The following ANKAR variants were observed in gnomAD, a reference collection of about 807,000 sequenced individuals.
ANKAR encodes the protein ankyrin and armadillo repeat containing.
In ANKAR, 136 loss-of-function variants were observed where a neutral mutation model predicts 146.2. That is an observed-to-expected ratio of 0.93 (90% confidence interval 0.81 to 1.07). ANKAR has a LOEUF of 1.07. Among genes scored for constraint, ANKAR ranks in the 50% least tolerant of loss-of-function variants. The pLI is 0.00. For synonymous variants in ANKAR, 500 were observed against 575.8 expected (o/e 0.87, Z 1.88); for missense variants, 1,567 against 1,679.9 (o/e 0.93, Z 1.18).
At chr2:189,745,024 C>CTAATAATAATAATAA (rs777180514) in intron 22 of ANKAR, among the ~76,000 whole-genome samples, 1 of 33,774 alleles carries the variant, frequency 3.0e-5, no homozygotes, top group African/African-American at 5.4e-5. Context: ...ACTACTACTA[C>CTAATAATAATAATAA]TACTAATAAT....
chr2:189,695,451 C>T (rs1026664738), intron 6 of ANKAR, among the ~76,000 whole-genome samples: 3 of 152,128 alleles, frequency 2.0e-5, no homozygotes, highest in South Asian at 2.1e-4. Context: ...TTTTAAGGTA[C>T]GACTAGTTCT....
chr2:189,756,092 G>A (rs973543814), intron 18 of ANKAR, among the ~76,000 whole-genome samples: 10 of 152,248 alleles, frequency 6.6e-5, no homozygotes, highest in South Asian at 2.1e-4. Flanking sequence ...TGGAATGACC[G>A]GGAGAAAAGA....
chr2:189,737,075 A>G (rs953490192), intron 17 of ANKAR, among the ~76,000 whole-genome samples: 3 of 137,668 alleles, frequency 2.2e-5, no homozygotes, highest in African/African-American at 8.5e-5. Flanking sequence ...CTTTGTCTCA[A>G]AAAAAAAAAG....
At chr2:189,754,470 C>T (rs2045765572) in intron 18 of ANKAR, 1 of 905,728 alleles carries the variant, frequency 1.1e-6, no homozygotes, top group African/African-American at 1.7e-5. Flanking sequence ...ACATGCTATA[C>T]TTTGGCAAAT....
chr2:189,755,528 T>C (rs776381876), intron 18 of ANKAR: 5 of 1,601,892 alleles, frequency 3.1e-6, no homozygotes, highest in Middle Eastern at 1.7e-4. Context: ...TCTGTGAAGC[T>C]GTTGAGCTGC....
intron 18 of ANKAR, among the ~76,000 whole-genome samples, chr2:189,759,976 C>A (rs1198638458): frequency 6.6e-6 from 1 of 152,090 alleles, no homozygotes; most frequent in Non-Finnish European, 1.5e-5. Context: ...GAGTATGCTG[C>A]CTTCAAGCAT....
chr2:189,718,690 C>T (rs1030153359), intron 10 of ANKAR, among the ~76,000 whole-genome samples: 1 of 151,404 alleles, frequency 6.6e-6, no homozygotes, highest in Non-Finnish European at 1.5e-5. Context: ...TTCTATTTAT[C>T]ATTAAATTGA....
At chr2:189,675,370 T>C (rs1559043260) in intron 1 of ANKAR, among the ~76,000 whole-genome samples, 1 of 152,046 alleles carries the variant, frequency 6.6e-6, no homozygotes, top group Non-Finnish European at 1.5e-5. Context: ...TTTCCTTTTC[T>C]TTTTCTTTTT....
chr2:189,735,920 C>T (rs1177457654), intron 17 of ANKAR, among the ~76,000 whole-genome samples: 2 of 152,182 alleles, frequency 1.3e-5, no homozygotes, highest in Non-Finnish European at 2.9e-5. Context: ...AATTAACAGG[C>T]ACTCTTTTCC....
At chr2:189,753,881 G>C in intron 18 of ANKAR, 1 of 1,604,892 alleles carries the variant, frequency 6.2e-7, no homozygotes, top group Non-Finnish European at 8.5e-7. Flanking sequence ...ATATTGCAAA[G>C]TGTAACTATT....
At chr2:189,680,906 C>A (rs1021134704) in intron 2 of ANKAR, among the ~76,000 whole-genome samples, 1 of 152,162 alleles carries the variant, frequency 6.6e-6, no homozygotes, top group African/African-American at 2.4e-5. Flanking sequence ...GGTAATTTAT[C>A]TGGATCAAGG....
At chr2:189,687,279 A>G (rs1269833499) in intron 2 of ANKAR, among the ~76,000 whole-genome samples, 2 of 152,040 alleles carry the variant, frequency 1.3e-5, no homozygotes, top group African/African-American at 4.8e-5. Flanking sequence ...CAGTTTCATC[A>G]AAGTTGTTGC....
intron 7 of ANKAR, among the ~76,000 whole-genome samples, chr2:189,697,029 TTAGC>T (rs1247769074): frequency 1.2e-4 from 18 of 152,068 alleles, no homozygotes; most frequent in Admixed American, 6.6e-4. Flanking sequence ...TGAAATAAAT[TTAGC>T]TAGAATAAAA....
intron 2 of ANKAR, among the ~76,000 whole-genome samples, chr2:189,679,258 CATCTT>C (rs1338928871): frequency 2.0e-5 from 3 of 151,980 alleles, no homozygotes; most frequent in African/African-American, 7.3e-5. Flanking sequence ...ATTTGAGTCT[CATCTT>C]GTTTGTTGTT....
chr2:189,736,677 A>C lies in ANKAR; in HGVS notation c.3424-1006A>C, dbSNP rs555772586. ...TTCATCTATACATCTACTCATTTCT[A>C]CTAAATTATTTTTGATGCAAATTTC... is the stretch of plus-strand genomic sequence containing the variant. On this transcript the variant is annotated intron_variant, in intron 17 of 22. Transcript: ENST00000684021. Among the ~76,000 whole-genome samples the C allele has an allele frequency of 7.9e-5, 12 of 152,094 alleles. No individual in the cohort carries two copies. In the South Asian group the frequency reaches 2.3e-3, roughly 29 times the overall value.
chr2:189,756,933 C>A (rs1206714380), intron 18 of ANKAR, among the ~76,000 whole-genome samples: 1 of 152,194 alleles, frequency 6.6e-6, no homozygotes, highest in African/African-American at 2.4e-5. Context: ...TCTCTCCCTG[C>A]AACTCATTTC....
At chr2:189,706,641 G>A (rs953870601) in intron 8 of ANKAR, among the ~76,000 whole-genome samples, 14 of 152,060 alleles carry the variant, frequency 9.2e-5, no homozygotes, top group South Asian at 2.1e-4. Context: ...CTTCACTTAC[G>A]GAGTAGTTGT....
At chr2:189,691,238 T>C (rs1574406830) in intron 3 of ANKAR, among the ~76,000 whole-genome samples, 1 of 152,304 alleles carries the variant, frequency 6.6e-6, no homozygotes, top group East Asian at 1.9e-4. Context: ...CTGTTTTTAG[T>C]AGAGACAAGG....
chr2:189,734,552 A>G (rs535603014), intron 17 of ANKAR, among the ~76,000 whole-genome samples: 2 of 152,318 alleles, frequency 1.3e-5, no homozygotes, highest in East Asian at 3.9e-4. Context: ...TTTCACAACC[A>G]GGAAGAAAAT....
Sources: gnomAD v4.1 joint callset for allele counts (sites outside exome capture counted in the v4.1 genomes callset) on GRCh38, gnomAD v4.1.1 for gene constraint, MANE v1.5 for transcripts, NCBI Gene and HGNC (gene_info 2026-07-23, HGNC 2026-07-21) for gene names.